The following PRKCB variants were observed in gnomAD, a reference collection of about 807,000 sequenced individuals.
The protein encoded by PRKCB is protein kinase C beta.
Under a neutral mutation model 81.5 loss-of-function variants are expected in PRKCB, and 13 were observed. That is an observed-to-expected ratio of 0.16 (90% CI 0.10 to 0.25). The LOEUF (loss-of-function observed/expected upper bound fraction) is 0.25. PRKCB is among the 10% of genes least tolerant of loss of function. The pLI is 1.00. For missense variants in PRKCB, 509 were observed against 875.7 expected (o/e 0.58, Z 5.29); for synonymous variants, 335 against 321.4 (o/e 1.04, Z -0.45).
chr16:24,023,099 C>G (rs572548200), intron 3 of PRKCB, among the ~76,000 whole-genome samples: 61 of 152,076 alleles, frequency 4.0e-4, no homozygotes, highest in African/African-American at 1.4e-3. Context: ...CAGAGTTTCT[C>G]TCTGTCACTG....
At position 24,216,816 on chromosome 16, in the gene PRKCB, A is replaced by C. The variant is rs1968234621; in HGVS notation, c.*2000A>C. On this transcript the variant is annotated 3_prime_UTR_variant, in exon 17 of 17. Transcript: ENST00000643927. Reference sequence around the variant, plus strand: ...CTCACTTTATTGTTGAGAAACTGGCATCTGGAAAGAGGAAGGAATTTGCCC... The same window carrying C: ...CTCACTTTATTGTTGAGAAACTGGCCTCTGGAAAGAGGAAGGAATTTGCCC... 1.0e-6 allele frequency: 1 copy of C among 985,350 alleles called. No homozygotes were observed. The highest frequency in any genetic ancestry group is 4.7e-5 in the South Asian group (1 of 21,292). 61.0% of individuals were successfully genotyped at this position (985,350 alleles called of 1,614,324 possible). A position where few individuals can be genotyped will look rare whatever the true frequency, so the allele number is the denominator to read the frequency against.
At chr16:24,147,382 G>A (rs529649297) in intron 9 of PRKCB, among the ~76,000 whole-genome samples, 12 of 151,902 alleles carry the variant, frequency 7.9e-5, no homozygotes, top group Non-Finnish European at 1.2e-4. Flanking sequence ...AAGCAGGGCC[G>A]TGTTTGTCCT....
chr16:23,843,079 G>A (rs1488943630), intron 2 of PRKCB, among the ~76,000 whole-genome samples: 1 of 152,116 alleles, frequency 6.6e-6, no homozygotes, highest in Non-Finnish European at 1.5e-5. Flanking sequence ...ATTTTAGTGG[G>A]TAATTAACAT....
chr16:23,862,769 A>T (rs1465132443), intron 2 of PRKCB, among the ~76,000 whole-genome samples: 1 of 151,882 alleles, frequency 6.6e-6, no homozygotes, highest in Non-Finnish European at 1.5e-5. Context: ...AGCCAGAGTG[A>T]CTCCATCTTG....
At chr16:24,094,839 G>GGAA (rs1476603723) in intron 7 of PRKCB, among the ~76,000 whole-genome samples, 6 of 145,062 alleles carry the variant, frequency 4.1e-5, no homozygotes, top group African/African-American at 1.6e-4. Context: ...AAGGAAGGAA[G>GGAA]GAAGGAAGGA....
chr16:24,028,337 C>T (rs1330054290), intron 3 of PRKCB, among the ~76,000 whole-genome samples: 1 of 152,240 alleles, frequency 6.6e-6, no homozygotes, highest in East Asian at 1.9e-4. Context: ...GATCCACCCA[C>T]CTCGGCTTCC....
intron 7 of PRKCB, among the ~76,000 whole-genome samples, chr16:24,096,666 A>AAAAAAAAAATAT (rs1406204037): frequency 3.1e-5 from 1 of 32,700 alleles, no homozygotes; most frequent in Non-Finnish European, 6.1e-5. Flanking sequence ...AAAAAAAAAA[A>AAAAAAAAAATAT]ATATATATAT....
intron 9 of PRKCB, among the ~76,000 whole-genome samples, chr16:24,134,613 G>T (rs1216947353): frequency 1.3e-5 from 2 of 152,166 alleles, no homozygotes; most frequent in Non-Finnish European, 2.9e-5. Flanking sequence ...GCCGGGCGTG[G>T]TGGCGCATGC....
chr16:23,996,378 A>G (rs1412689581), intron 3 of PRKCB, among the ~76,000 whole-genome samples: 1 of 152,194 alleles, frequency 6.6e-6, no homozygotes, highest in Non-Finnish European at 1.5e-5. Flanking sequence ...GCTCAGCAGC[A>G]TAGACTTCCA....
intron 5 of PRKCB, among the ~76,000 whole-genome samples, chr16:24,040,825 C>T (rs1965688403): frequency 6.6e-6 from 1 of 152,168 alleles, no homozygotes; most frequent in Non-Finnish European, 1.5e-5. Context: ...CCAACGTCAA[C>T]AGCAAATGTT....
chr16:24,206,652 G>A (rs1192244832), intron 16 of PRKCB, among the ~76,000 whole-genome samples: 2 of 152,188 alleles, frequency 1.3e-5, no homozygotes, highest in Non-Finnish European at 2.9e-5. Context: ...CAAGTGAGAT[G>A]TCACTCCCTC....
At chr16:24,144,135 GAA>G (rs1161059592) in intron 9 of PRKCB, among the ~76,000 whole-genome samples, 1 of 150,474 alleles carries the variant, frequency 6.6e-6, no homozygotes, top group African/African-American at 2.5e-5. Context: ...AGGAGAGAGA[GAA>G]AGAGAGAGAG....
At chr16:24,118,331 T>C (rs1005817257) in intron 8 of PRKCB, among the ~76,000 whole-genome samples, 2 of 152,272 alleles carry the variant, frequency 1.3e-5, no homozygotes, top group African/African-American at 4.8e-5. Flanking sequence ...CATATCCAGA[T>C]GTTAGATGCT....
At chr16:24,054,919 T>C (rs1210990794) in intron 5 of PRKCB, among the ~76,000 whole-genome samples, 1 of 152,242 alleles carries the variant, frequency 6.6e-6, no homozygotes, top group Non-Finnish European at 1.5e-5. Flanking sequence ...TGTGGTCTGA[T>C]TGAGGTCTTG....
chr16:24,187,611 C>A (rs769742708), intron 15 of PRKCB, among the ~76,000 whole-genome samples: 1 of 152,138 alleles, frequency 6.6e-6, no homozygotes, highest in Non-Finnish European at 1.5e-5. Flanking sequence ...GATCAAGGGA[C>A]CCTTTGCAAA....
chr16:23,948,959 GATCT>G (rs1964239578), intron 2 of PRKCB, among the ~76,000 whole-genome samples: 1 of 152,158 alleles, frequency 6.6e-6, no homozygotes. Context: ...GGTTTCATGA[GATCT>G]ACACCTGGGC....
intron 2 of PRKCB, among the ~76,000 whole-genome samples, chr16:23,949,600 T>C (rs1474471284): frequency 6.6e-6 from 1 of 152,210 alleles, no homozygotes; most frequent in Non-Finnish European, 1.5e-5. Flanking sequence ...TGTTAACAAT[T>C]CAACCAATAT....
At chr16:24,022,344 G>A (rs1305334459) in intron 3 of PRKCB, among the ~76,000 whole-genome samples, 1 of 152,070 alleles carries the variant, frequency 6.6e-6, no homozygotes, top group Non-Finnish European at 1.5e-5. Flanking sequence ...AGACAATAGG[G>A]AAGAGTGGGG....
intron 9 of PRKCB, among the ~76,000 whole-genome samples, chr16:24,134,058 G>C (rs1486758275): frequency 6.6e-6 from 1 of 151,922 alleles, no homozygotes; most frequent in Non-Finnish European, 1.5e-5. Context: ...ACCACACCCA[G>C]CTAATTTTTT....
Sources: gnomAD v4.1 joint callset for allele counts (sites outside exome capture counted in the v4.1 genomes callset) on GRCh38, gnomAD v4.1.1 for gene constraint, MANE v1.5 for transcripts, NCBI Gene and HGNC (gene_info 2026-07-23, HGNC 2026-07-21) for gene names.